Variants in PHACTR2 observed in about 807,000 individuals in gnomAD.
PHACTR2 encodes phosphatase and actin regulator 2.
A neutral mutation model predicts 76.0 loss-of-function variants in PHACTR2; 30 were observed. That is an observed-to-expected ratio of 0.39 (90% confidence interval 0.30 to 0.54). The LOEUF (loss-of-function observed/expected upper bound fraction) is 0.54. Ranked by LOEUF, PHACTR2 falls within the 20% of genes least tolerant of loss-of-function variation. The probability of loss-of-function intolerance (pLI) is 0.61; values close to 1 mark genes in which losing one functional copy is unlikely to be tolerated. For missense variants in PHACTR2, 696 were observed against 781.1 expected (o/e 0.89, Z 1.30); for synonymous variants, 292 against 292.5 (o/e 1.00, Z 0.02).
chr6:143,636,305 T>C (rs891686277), intron 1 of PHACTR2, among the ~76,000 whole-genome samples: 1 of 152,184 alleles, frequency 6.6e-6, no homozygotes, highest in African/African-American at 2.4e-5. Context: ...TATTTTATTA[T>C]ATATGAAATG....
At position 143,783,005 on chromosome 6, in the gene PHACTR2, A is replaced by ATGTGTGTGTGTGTGTGTGTGTGTGTGTG. The variant is rs144077213; in HGVS notation, c.1646-210_1646-183dup. 1.4e-5 allele frequency among the ~76,000 whole-genome samples: 2 copies of ATGTGTGTGTGTGTGTGTGTGTGTGTGTG among 146,138 alleles called. No homozygotes were observed. The highest frequency in any genetic ancestry group is 3.0e-5 in the Non-Finnish European group (2 of 66,438). On this transcript the variant is annotated intron_variant, in intron 9 of 12. Transcript: ENST00000440869. The surrounding 1 kb of genome is among the most constrained non-coding windows in gnomAD (Gnocchi z 5.2). The stretch of plus-strand genomic sequence containing the variant: ...AGCAAACCAGTCCTACAAAAAAAGC[A>ATGTGTGTGTGTGTGTGTGTGTGTGTGTG]TGTGTGTGTGTGTGTGTGTGTGTGT...
chr6:143,560,781 G>T (rs1193159190), intron 1 of PHACTR2, among the ~76,000 whole-genome samples: 1 of 151,984 alleles, frequency 6.6e-6, no homozygotes, highest in African/African-American at 2.4e-5. Context: ...TCCAGCCAAG[G>T]GTAGCAGCTT....
rs184592604 is a variant in PHACTR2 at position 143,758,379 on chromosome 6, G to A, written c.455-2022G>A. On this transcript the variant is annotated intron_variant, in intron 4 of 12. Coordinates refer to ENST00000440869, the MANE Select transcript of PHACTR2 (RefSeq NM_001100164.2). ...TTGGGCTTAGTCTCCATACTTCATG[G>A]TATTATACTGGGGGCTAAAGTTACA... is the stretch of plus-strand genomic sequence containing the variant. Among the ~76,000 whole-genome samples the A allele has an allele frequency of 4.0e-3, 616 of 152,252 alleles. 5 individuals carry two copies. Among genetic ancestry groups the A allele is most frequent in the Non-Finnish European group, 4.6e-3 (316 of 68,012 alleles).
rs1044938342 is a variant in PHACTR2, at chr6:143,780,639, A to G, written c.1646-2580A>G. 2.6e-5 allele frequency among the ~76,000 whole-genome samples: 4 copies of G among 152,212 alleles called. No individual in the cohort carries two copies. The South Asian group carries it at 8.3e-4, about 32-fold the overall frequency. On this transcript the variant is annotated intron_variant, in intron 9 of 12. Coordinates refer to ENST00000440869, the MANE Select transcript of PHACTR2 (RefSeq NM_001100164.2). This position sits in a 1 kb window ranked among gnomAD's most constrained non-coding sequence, Gnocchi z 4.4. ...GCTCATCCACAAAATTCTCTGGGTAACATTGCTCGCTAGGCGGGTTTCCTG... is the reference window on the plus strand; with the variant it reads ...GCTCATCCACAAAATTCTCTGGGTAGCATTGCTCGCTAGGCGGGTTTCCTG...
At chr6:143,542,492 A>T (rs1387337475) in intron 1 of PHACTR2, among the ~76,000 whole-genome samples, 1 of 152,100 alleles carries the variant, frequency 6.6e-6, no homozygotes, top group East Asian at 1.9e-4. Flanking sequence ...AATTGAGGCA[A>T]CCAATTCCTC....
Position 143,793,266 on chromosome 6 carries a change from T to A in PHACTR2, c.1845+4356T>A, listed in dbSNP as rs964514828. On this transcript the variant is annotated intron_variant, in intron 11 of 12. Transcript: ENST00000440869. The surrounding 1 kb of genome is among the most constrained non-coding windows in gnomAD (Gnocchi z 4.4). Reference sequence around the variant, plus strand: ...TCATCTCTAGCTGTAACAGAGAGGATTTTTTTTTTTAATTTTATGTTGAAA... The same window carrying A: ...TCATCTCTAGCTGTAACAGAGAGGAATTTTTTTTTTAATTTTATGTTGAAA... 6.7e-6 allele frequency among the ~76,000 whole-genome samples: 1 copy of A among 148,536 alleles called. No individual in the cohort carries two copies.
chr6:143,726,772 A>T (rs1012385321), intron 2 of PHACTR2, among the ~76,000 whole-genome samples: 1 of 152,150 alleles, frequency 6.6e-6, no homozygotes, highest in African/African-American at 2.4e-5. Flanking sequence ...GTATTTTGTC[A>T]TGGTTTTAAT....
Position 143,777,119 on chromosome 6 carries a change from G to A in PHACTR2, c.1590-209G>A, listed in dbSNP as rs1238305422. ...ATCCAGGCCGCTCTGTTGCTAAAAG[G>A]AAAGGAGACTGTGTAATGGGGGTCG... On this transcript the variant is annotated intron_variant, in intron 8 of 12. Coordinates refer to ENST00000440869, the MANE Select transcript of PHACTR2 (RefSeq NM_001100164.2). This position sits in a 1 kb window ranked among gnomAD's most constrained non-coding sequence, Gnocchi z 4.6. 2.6e-5 allele frequency among the ~76,000 whole-genome samples: 4 copies of A among 152,138 alleles called. No homozygotes were observed. The highest frequency in any genetic ancestry group is 5.9e-5 in the Non-Finnish European group (4 of 68,022).
At position 143,777,334 on chromosome 6, in the gene PHACTR2, G is replaced by A. The variant is rs777414503; in HGVS notation, c.1596G>A (p.Leu532=). Reference sequence around the variant, plus strand: ...ATCCTTTTTGTCATCATAGGAGGCTGAGCCAGAGGCCCACAACTGAAGAAT... The same window carrying A: ...ATCCTTTTTGTCATCATAGGAGGCTAAGCCAGAGGCCCACAACTGAAGAAT... ...QQIGTKLVRR[L]SQRPTTEELE... is the part of the protein sequence containing the mutation. Residue 532 remains leucine (L), a synonymous_variant, in exon 9 of 13, where the codon CTG becomes CTA. Coordinates refer to ENST00000440869, the MANE Select transcript of PHACTR2 (RefSeq NM_001100164.2). The surrounding 1 kb of genome is among the most constrained non-coding windows in gnomAD (Gnocchi z 4.6). The A allele has an allele frequency of 1.3e-6, 2 of 1,595,984 alleles. No homozygotes were observed. The highest frequency in any genetic ancestry group is 2.7e-5 in the African/African-American group (2 of 74,548).
chr6:143,647,994 A>T lies in PHACTR2; in HGVS notation c.13+39672A>T, dbSNP rs893211707. On this transcript the variant is annotated intron_variant, in intron 1 of 11. Coordinates refer to the PHACTR2 transcript ENST00000305766. This position sits in a 1 kb window ranked among gnomAD's most constrained non-coding sequence, Gnocchi z 4.2. Reference sequence around the variant, plus strand: ...GCCCCTGGCTGTGTGGCCGCAGTGGAAATAAGGGAAGCAGGTAGGATCCTG... The same window carrying T: ...GCCCCTGGCTGTGTGGCCGCAGTGGTAATAAGGGAAGCAGGTAGGATCCTG... Among the ~76,000 whole-genome samples the T allele has an allele frequency of 6.6e-6, 1 of 152,158 alleles. No homozygotes were observed. The highest frequency in any genetic ancestry group is 1.5e-5 in the Non-Finnish European group (1 of 68,016).
rs980687063 is a variant in PHACTR2, at chr6:143,742,064, C to G, written c.215-6921C>G. 6.6e-6 allele frequency among the ~76,000 whole-genome samples: 1 copy of G among 151,514 alleles called. No individual in the cohort carries two copies. The highest frequency in any genetic ancestry group is 1.5e-5 in the Non-Finnish European group (1 of 67,902). ...AGGTTGCAGTGAGCTGGGATCGCGCCACTGCACTGCAGCCTGGGTGACAAG... is the reference window on the plus strand; with the variant it reads ...AGGTTGCAGTGAGCTGGGATCGCGCGACTGCACTGCAGCCTGGGTGACAAG... On this transcript the variant is annotated intron_variant, in intron 2 of 12. Transcript: ENST00000440869. This position sits in a 1 kb window ranked among gnomAD's most constrained non-coding sequence, Gnocchi z 4.5.
At chr6:143,608,159 C>T (rs543117756), upstream of PHACTR2, 1 of 732,208 alleles carries the variant, frequency 1.4e-6, no homozygotes, top group Non-Finnish European at 2.4e-6. The surrounding 1 kb of genome is among the most constrained non-coding windows in gnomAD (Gnocchi z 4.6). Flanking sequence ...TATAAATTTC[C>T]TGGCGGTGTC....
rs1434929679 is a variant in PHACTR2, at chr6:143,750,281, T to C, written c.295+1216T>C. The stretch of plus-strand genomic sequence containing the variant: ...ATGAATTTTATGTTTTCCCTGTTTT[T>C]CTATTATTTTGAAGCTATTTATTTC... On this transcript the variant is annotated intron_variant, in intron 3 of 12. Transcript: ENST00000440869. This position sits in a 1 kb window ranked among gnomAD's most constrained non-coding sequence, Gnocchi z 4.6. Among the ~76,000 whole-genome samples the C allele has an allele frequency of 1.3e-5, 2 of 152,200 alleles. No homozygotes were observed. The highest frequency in any genetic ancestry group is 4.8e-5 in the African/African-American group (2 of 41,450).
chr6:143,565,604 CAAAAA>C (rs556657528), intron 1 of PHACTR2, among the ~76,000 whole-genome samples: 1 of 105,976 alleles, frequency 9.4e-6, no homozygotes, highest in Non-Finnish European at 1.9e-5. Flanking sequence ...GACTCCGTCT[CAAAAA>C]AAAAAAAAAA....
At chr6:143,568,097 A>AT (rs367677860) in intron 1 of PHACTR2, among the ~76,000 whole-genome samples, 1 of 152,110 alleles carries the variant, frequency 6.6e-6, no homozygotes, top group Non-Finnish European at 1.5e-5. Flanking sequence ...CTTTACCTTG[A>AT]TTTTTTTAAA....
intron 1 of PHACTR2, among the ~76,000 whole-genome samples, chr6:143,588,861 T>TA (rs1775658067): frequency 6.6e-6 from 1 of 152,204 alleles, no homozygotes; most frequent in Non-Finnish European, 1.5e-5. Flanking sequence ...TATATGTTCC[T>TA]AAAAAATGTA....
At position 143,617,054 on chromosome 6, in the gene PHACTR2, G is replaced by A. The variant is rs1056679462; in HGVS notation, c.13+8732G>A. On this transcript the variant is annotated intron_variant, in intron 1 of 11. Coordinates refer to the PHACTR2 transcript ENST00000305766. This position sits in a 1 kb window ranked among gnomAD's most constrained non-coding sequence, Gnocchi z 4.8. ...TTCAGGAGCCTTTGAAGGGTTTTAC[G>A]AGACTGGGAAGAATGGACTGGAAAG... Among the ~76,000 whole-genome samples, 5 of 152,158 alleles carry A rather than the reference G, an allele frequency of 3.3e-5. No individual in the cohort carries two copies. The highest frequency in any genetic ancestry group is 1.2e-4 in the African/African-American group (5 of 41,428).
At chr6:143,714,999 T>G (rs573577001) in intron 2 of PHACTR2, among the ~76,000 whole-genome samples, 79 of 152,292 alleles carry the variant, frequency 5.2e-4, no homozygotes, top group Middle Eastern at 3.4e-3. Context: ...CTTATCACAG[T>G]GTATTACCAT....
rs983872650 is a variant in PHACTR2, at chr6:143,671,176, C to T, written c.14-40840C>T. Among the ~76,000 whole-genome samples the T allele has an allele frequency of 4.6e-5, 7 of 152,144 alleles. No individual in the cohort carries two copies. The highest frequency in any genetic ancestry group is 8.8e-5 in the Non-Finnish European group (6 of 68,022). On this transcript the variant is annotated intron_variant, in intron 1 of 11. Transcript: ENST00000305766. The surrounding 1 kb of genome is among the most constrained non-coding windows in gnomAD (Gnocchi z 4.6). ...AACTCCTGACATCATGATCCGCCTG[C>T]CTCAGCAGCCTCCCAAAGTGCTGAG...
Sources: allele counts gnomAD v4.1 joint callset (sites outside exome capture counted in the v4.1 genomes callset), GRCh38; gene constraint gnomAD v4.1.1; non-coding constraint Gnocchi (gnomAD v3.1); transcripts MANE v1.5; gene names NCBI Gene and HGNC (gene_info 2026-07-23, HGNC 2026-07-21).